SGIP1: variants seen among roughly 807,000 people sequenced by gnomAD.
SGIP1 encodes the protein SH3GL interacting endocytic adaptor 1.
In SGIP1, 38 loss-of-function variants were observed where a neutral mutation model predicts 107.5. That is an observed-to-expected ratio of 0.35 (90% confidence interval 0.27 to 0.46). The LOEUF (loss-of-function observed/expected upper bound fraction) is 0.46, where lower values mean the gene tolerates loss of function less well. Among genes scored for constraint, SGIP1 ranks in the 20% least tolerant of loss-of-function variants. The pLI is 1.00. For missense variants in SGIP1, 929 were observed against 1,019.5 expected, an observed-to-expected ratio of 0.91 and a Z score of 1.21; for synonymous variants, 365 against 366.1, an observed-to-expected ratio of 1.00 and a Z score of 0.03.
chr1:66,712,149 G>C (rs567917329), intron 18 of SGIP1, among the ~76,000 whole-genome samples: 2 of 152,258 alleles, frequency 1.3e-5, no homozygotes, highest in Admixed American at 1.3e-4. Flanking sequence ...TGCAAATTAA[G>C]GGAGATAACA....
chr1:66,620,260 C>T (rs762174660), intron 1 of SGIP1, among the ~76,000 whole-genome samples: 2 of 152,040 alleles, frequency 1.3e-5, no homozygotes, highest in Non-Finnish European at 2.9e-5. Context: ...GAGAAAAACA[C>T]CAGTAAACAC....
At chr1:66,672,168 C>T (rs976012486) in intron 11 of SGIP1, among the ~76,000 whole-genome samples, 173 bp downstream of exon 11, 1 of 152,142 alleles carries the variant, frequency 6.6e-6, no homozygotes, top group Non-Finnish European at 1.5e-5. Context: ...TTCATAAGTG[C>T]AGCCCAAGGG....
intron 18 of SGIP1, among the ~76,000 whole-genome samples, chr1:66,710,267 G>T (rs1326191938): frequency 6.6e-6 from 1 of 152,010 alleles, no homozygotes; most frequent in East Asian, 1.9e-4. Flanking sequence ...TATATAGAAA[G>T]AATTTCTACA....
At chr1:66,544,583 T>G (rs12143964) in intron 1 of SGIP1, among the ~76,000 whole-genome samples, 106,759 of 152,024 alleles carry the variant, frequency 0.7, 38,012 homozygotes, top group East Asian at 1. Context: ...CAGCTAATCA[T>G]GAGGCTGAGG....
chr1:66,625,965 C>G, intron 2 of SGIP1, 55 bp downstream of exon 2: 2 of 1,416,334 alleles, frequency 1.4e-6, no homozygotes, highest in Non-Finnish European at 2.0e-6. Flanking sequence ...AAGAGATGCT[C>G]TTATCACAGT....
Position 66,744,599 on chromosome 1 carries a change from AAC to A in SGIP1, c.*1506_*1507del, listed in dbSNP as rs2094528672. 6.6e-6 allele frequency: 1 copy of A among 152,258 alleles called. No homozygotes were observed. The highest frequency in any genetic ancestry group is 1.5e-5 in the Non-Finnish European group (1 of 67,940). 9.4% of individuals were successfully genotyped at this position (152,258 alleles called of 1,614,324 possible). On this transcript the variant is annotated 3_prime_UTR_variant, in exon 25 of 25. Transcript: ENST00000371037. ...TTTCATTTTACACCCACTCAAATTT[AAC>A]AAAGAATCTTTAGCCCCTTTAAATT... is the stretch of plus-strand genomic sequence containing the variant.
At chr1:66,665,626 A>G (rs922628743) in intron 8 of SGIP1, among the ~76,000 whole-genome samples, 5 of 152,148 alleles carry the variant, frequency 3.3e-5, no homozygotes, top group African/African-American at 1.2e-4. Flanking sequence ...CATCCTCTCC[A>G]GCACCTGTTG....
At chr1:66,653,161 A>T in intron 7 of SGIP1, among the ~76,000 whole-genome samples, 1 of 152,130 alleles carries the variant, frequency 6.6e-6, no homozygotes, top group East Asian at 1.9e-4. Flanking sequence ...TTTTCCCAGG[A>T]CTCATAGAGG....
Position 66,729,571 on chromosome 1 carries a change from G to C in SGIP1, c.1898+152G>C. On this transcript the variant is annotated intron_variant, in intron 20 of 24. Coordinates refer to ENST00000371037, the MANE Select transcript of SGIP1 (RefSeq NM_032291.4). Reference sequence around the variant, plus strand: ...AGATTCAAGCACAGAACTTTTACCAGCTATCAAAATTTGTTGTGGGTGGTT... The same window carrying C: ...AGATTCAAGCACAGAACTTTTACCACCTATCAAAATTTGTTGTGGGTGGTT... 4 of 1,094,540 alleles carry C rather than the reference G, an allele frequency of 3.7e-6. 1 individual carries two copies. The South Asian group carries it at 5.0e-5, about 14-fold the overall frequency. The allele number at this position is 1,094,540 out of a possible 1,614,324, so 67.8% of individuals were successfully genotyped here. A position where few individuals can be genotyped will look rare whatever the true frequency, so the allele number is the denominator to read the frequency against.
intron 17 of SGIP1, chr1:66,694,619 C>A: frequency 2.9e-6 from 2 of 696,418 alleles, no homozygotes; most frequent in Non-Finnish European, 4.4e-6. Flanking sequence ...TGTCCAGTGC[C>A]TCTCAGATGC....
intron 2 of SGIP1, among the ~76,000 whole-genome samples, chr1:66,630,634 G>A (rs965625736): frequency 6.6e-6 from 1 of 150,642 alleles, no homozygotes; most frequent in Non-Finnish European, 1.5e-5. Flanking sequence ...TGGTGAAACT[G>A]CTTCTCTACT....
chr1:66,606,796 G>A (rs2066934738), intron 1 of SGIP1, among the ~76,000 whole-genome samples: 1 of 152,124 alleles, frequency 6.6e-6, no homozygotes, highest in Non-Finnish European at 1.5e-5. Context: ...ACAGAGTGAG[G>A]GACTTAAGTT....
rs186365248 is a variant in SGIP1 at position 66,728,032 on chromosome 1, T to G, written c.1743-1232T>G. Among the ~76,000 whole-genome samples the G allele has an allele frequency of 1.2e-4, 18 of 152,320 alleles. No homozygotes were observed. The East Asian group carries it at 3.5e-3, about 29-fold the overall frequency. On this transcript the variant is annotated intron_variant, in intron 19 of 24. Coordinates refer to ENST00000371037, the MANE Select transcript of SGIP1 (RefSeq NM_032291.4). ...AGTTTATTATATATCAATTATATCTTCATAAAGCCTTTTTTAAAAAAAAAG... is the reference window on the plus strand; with the variant it reads ...AGTTTATTATATATCAATTATATCTGCATAAAGCCTTTTTTAAAAAAAAAG...
At chr1:66,658,947 C>T (rs959783916) in intron 7 of SGIP1, among the ~76,000 whole-genome samples, 3 of 152,226 alleles carry the variant, frequency 2.0e-5, no homozygotes, top group Non-Finnish European at 4.4e-5. Flanking sequence ...GGAGAAGCAG[C>T]ATGGGCAGGA....
chr1:66,553,310 A>G (rs2057705338), intron 1 of SGIP1, among the ~76,000 whole-genome samples: 1 of 152,138 alleles, frequency 6.6e-6, no homozygotes, highest in Admixed American at 6.6e-5. Context: ...TTCATGAAGC[A>G]TTTAATTTAT....
At chr1:66,597,926 C>T (rs11208919) in intron 1 of SGIP1, among the ~76,000 whole-genome samples, 7,744 of 152,022 alleles carry the variant, frequency 0.051, 608 homozygotes, top group African/African-American at 0.17. Context: ...TACAACATTA[C>T]TGAAAAAGTA....
At chr1:66,596,377 G>C (rs1198181108) in intron 1 of SGIP1, among the ~76,000 whole-genome samples, 2 of 152,142 alleles carry the variant, frequency 1.3e-5, no homozygotes, top group African/African-American at 4.8e-5. Flanking sequence ...TGTGTGGCTG[G>C]GTCTGGGACC....
chr1:66,633,425 G>T (rs2075193629), intron 3 of SGIP1, among the ~76,000 whole-genome samples: 1 of 152,174 alleles, frequency 6.6e-6, no homozygotes, highest in African/African-American at 2.4e-5. Context: ...CATTATGGGA[G>T]AATGTTTTTC....
chr1:66,683,700 C>CTTTTTTTTTTTTTTTTTTTTT lies in SGIP1; in HGVS notation c.1315+1339_1315+1359dup, dbSNP rs869266510. ...ACCACACTGTTTGTTTGTTTCTTTT[C>CTTTTTTTTTTTTTTTTTTTTT]TTTTTTTTTTTTTTTTTTTTTTTTT... On this transcript the variant is annotated intron_variant, in intron 15 of 24. Coordinates refer to ENST00000371037, the MANE Select transcript of SGIP1 (RefSeq NM_032291.4). Among the ~76,000 whole-genome samples, 63 of 61,394 alleles carry CTTTTTTTTTTTTTTTTTTTTT rather than the reference C, an allele frequency of 1.0e-3. 9 individuals carry two copies. The East Asian group carries it at 0.012, about 12-fold the overall frequency. 40.3% of individuals were successfully genotyped at this position (61,394 alleles called of 152,430 possible).
Sources: gnomAD v4.1 joint callset for allele counts (sites outside exome capture counted in the v4.1 genomes callset) on GRCh38, gnomAD v4.1.1 for gene constraint, MANE v1.5 for transcripts, NCBI Gene and HGNC (gene_info 2026-07-23, HGNC 2026-07-21) for gene names.